WNT5A: variants seen among roughly 807,000 people sequenced by gnomAD.
WNT5A encodes the protein protein Wnt-5a.
In WNT5A, 9 loss-of-function variants were observed where a neutral mutation model predicts 42.1. The ratio of observed to expected loss-of-function variants is 0.21; its 90% CI spans 0.13 to 0.37. WNT5A has a LOEUF of 0.37. Among genes scored for constraint, WNT5A ranks in the 10% least tolerant of loss-of-function variants. The pLI is 1.00. For missense variants in WNT5A, 426 were observed against 534.0 expected (o/e 0.80, Z 1.99); for synonymous variants, 210 against 210.0 (o/e 1.00, Z 0.00).
chr3:55,490,646 AG>A (rs1292134909), upstream of WNT5A: 1 of 152,262 alleles, frequency 6.6e-6, no homozygotes, highest in African/African-American at 2.4e-5. Flanking sequence ...AGCATGGGTC[AG>A]GCCCTTACCT....
intron 3 of WNT5A, among the ~76,000 whole-genome samples, chr3:55,475,267 T>C (rs1575399499): frequency 6.6e-6 from 1 of 152,218 alleles, no homozygotes; most frequent in East Asian, 1.9e-4. Context: ...TAATATTAAG[T>C]ATTATTTTCA....
At chr3:55,482,205 C>T (rs968661698) in intron 1 of WNT5A, among the ~76,000 whole-genome samples, 3 of 152,212 alleles carry the variant, frequency 2.0e-5, no homozygotes, top group South Asian at 2.1e-4. Flanking sequence ...GGCAAAGAGG[C>T]CCCCAGCGGC....
chr3:55,466,010 A>T lies in WNT5A; in HGVS notation c.*4082T>A, dbSNP rs1439021822. ...CTAAAATAAAATATCCAATCATCAG[A>T]TTAAAGTGTAAAGTTTGTGTGAACA... On this transcript the variant is annotated 3_prime_UTR_variant, in exon 5 of 5. Coordinates refer to ENST00000264634, the MANE Select transcript of WNT5A (RefSeq NM_003392.7). 6.6e-6 allele frequency: 1 copy of T among 152,206 alleles called. No homozygotes were observed. Among genetic ancestry groups the T allele is most frequent in the Non-Finnish European group, 1.5e-5 (1 of 68,022 alleles). 9.4% of individuals were successfully genotyped at this position (152,206 alleles called of 1,614,324 possible). A position where few individuals can be genotyped will look rare whatever the true frequency, so the allele number is the denominator to read the frequency against.
upstream of WNT5A, among the ~76,000 whole-genome samples, chr3:55,491,973 G>A (rs1461841611): frequency 1.3e-5 from 2 of 152,176 alleles, no homozygotes; most frequent in Admixed American, 1.3e-4. Context: ...TGCTGCCACT[G>A]GCCTGTGGGG....
At chr3:55,470,733 AAT>A (rs1267666838) in intron 4 of WNT5A, among the ~76,000 whole-genome samples, 183 bp from the exon 5 acceptor site, 2 of 152,188 alleles carry the variant, frequency 1.3e-5, no homozygotes, top group Non-Finnish European at 2.9e-5. Flanking sequence ...CTTCCAAATA[AAT>A]ATGTTCTTAA....
rs192224802 is a variant in WNT5A, at chr3:55,486,962, A to T, written c.6+18T>A. 6.2e-6 allele frequency: 10 copies of T among 1,604,972 alleles called. No homozygotes were observed. In the Admixed American group the frequency reaches 1.0e-4, roughly 16 times the overall value. On this transcript the variant is annotated intron_variant, in intron 1 of 4. Transcript: ENST00000264634. ...GGGGGAAGTAAAGAAAAAAAGTGGC[A>T]GCGCACTGAACACCTACCTTCATGG...
chr3:55,499,992 A>ATT, the WNT5A span, among the ~76,000 whole-genome samples: 1 of 151,218 alleles, frequency 6.6e-6, no homozygotes, highest in South Asian at 2.1e-4. Flanking sequence ...AAAAAAAAAA[A>ATT]AAATTAAATT....
At chr3:55,492,419 T>C (rs1312828002), upstream of WNT5A, among the ~76,000 whole-genome samples, 1 of 152,208 alleles carries the variant, frequency 6.6e-6, no homozygotes, top group Non-Finnish European at 1.5e-5. Flanking sequence ...ATTAGGATTG[T>C]TCTCATAATT....
chr3:55,497,324 T>C, the WNT5A span: 2 of 152,254 alleles, frequency 1.3e-5, no homozygotes, highest in Non-Finnish European at 1.5e-5. Context: ...GATTCCTCCT[T>C]GTGCTGGCTG....
chr3:55,492,819 T>A (rs1192911463), upstream of WNT5A, among the ~76,000 whole-genome samples: 5 of 152,216 alleles, frequency 3.3e-5, no homozygotes. Context: ...ATCGTATTAT[T>A]ATCTGCATTG....
the WNT5A span, among the ~76,000 whole-genome samples, chr3:55,496,880 A>G: frequency 6.6e-6 from 1 of 152,238 alleles, no homozygotes; most frequent in South Asian, 2.1e-4. Flanking sequence ...AATAAATCGA[A>G]GAGTAGCTTA....
chr3:55,473,915 G>A (rs189232457), intron 4 of WNT5A, among the ~76,000 whole-genome samples: 1 of 152,186 alleles, frequency 6.6e-6, no homozygotes, highest in African/African-American at 2.4e-5. Context: ...GTAGCCAAAG[G>A]TACCAGGGAC....
chr3:55,492,297 G>A (rs576147023), upstream of WNT5A, among the ~76,000 whole-genome samples: 1 of 152,098 alleles, frequency 6.6e-6, no homozygotes, highest in Non-Finnish European at 1.5e-5. Context: ...TCAGATGGAT[G>A]TGAGTCTGAA....
chr3:55,479,157 T>C (rs554166932), intron 3 of WNT5A, 157 bp downstream of exon 3: 9 of 726,720 alleles, frequency 1.2e-5, no homozygotes, highest in Admixed American at 1.0e-4. Flanking sequence ...GGACAGGAAT[T>C]AACATCATTT....
chr3:55,486,648 T>C (rs934833988), intron 1 of WNT5A, among the ~76,000 whole-genome samples: 1 of 152,220 alleles, frequency 6.6e-6, no homozygotes. Flanking sequence ...ATATACATAG[T>C]AAATTACACT....
chr3:55,496,640 T>G, the WNT5A span, among the ~76,000 whole-genome samples: 1 of 152,210 alleles, frequency 6.6e-6, no homozygotes, highest in African/African-American at 2.4e-5. Context: ...CCTCAGTCCT[T>G]AGTCATGCAG....
rs1428206994 is a variant in WNT5A, at chr3:55,483,557, G to T, written c.7-2639C>A. On this transcript the variant is annotated intron_variant, in intron 1 of 4. Coordinates refer to ENST00000264634, the MANE Select transcript of WNT5A (RefSeq NM_003392.7). The surrounding 1 kb of genome is among the most constrained non-coding windows in gnomAD (Gnocchi z 4.2). ...CTGATCAGAAACTGAGTTTCCCAAAGAAGGGGCTAAATGTTTTCCAACACT... is the reference window on the plus strand; with the variant it reads ...CTGATCAGAAACTGAGTTTCCCAAATAAGGGGCTAAATGTTTTCCAACACT... Among the ~76,000 whole-genome samples the T allele has an allele frequency of 2.0e-5, 3 of 152,200 alleles. No individual in the cohort carries two copies. Among genetic ancestry groups the T allele is most frequent in the Non-Finnish European group, 2.9e-5 (2 of 68,038 alleles).
the WNT5A span, among the ~76,000 whole-genome samples, chr3:55,498,734 C>G: frequency 6.6e-6 from 1 of 152,116 alleles, no homozygotes; most frequent in East Asian, 1.9e-4. Flanking sequence ...TCAGAAGAGT[C>G]ACGTGACACA....
chr3:55,483,102 C>G lies in WNT5A; in HGVS notation c.7-2184G>C, dbSNP rs1184147091. 1.3e-5 allele frequency among the ~76,000 whole-genome samples: 2 copies of G among 152,122 alleles called. No individual in the cohort carries two copies. Among genetic ancestry groups the G allele is most frequent in the African/African-American group, 2.4e-5 (1 of 41,404 alleles). ...TTACAGCGGATCTCTTTGTTAGAGCCGAAGCCACACAAACCGAACCCACTC... is the reference window on the plus strand; with the variant it reads ...TTACAGCGGATCTCTTTGTTAGAGCGGAAGCCACACAAACCGAACCCACTC... On this transcript the variant is annotated intron_variant, in intron 1 of 4. Coordinates refer to ENST00000264634, the MANE Select transcript of WNT5A (RefSeq NM_003392.7). The surrounding 1 kb of genome is among the most constrained non-coding windows in gnomAD (Gnocchi z 4.2).
Sources: allele counts gnomAD v4.1 joint callset (sites outside exome capture counted in the v4.1 genomes callset), GRCh38; gene constraint gnomAD v4.1.1; non-coding constraint Gnocchi (gnomAD v3.1); transcripts MANE v1.5; gene names NCBI Gene and HGNC (gene_info 2026-07-23, HGNC 2026-07-21).